Variants in COL21A1 observed in about 807,000 individuals in gnomAD.
COL21A1 encodes the protein collagen type XXI alpha 1 chain.
COL21A1 carries 149 observed loss-of-function variants against 137.9 expected under a neutral mutation model. The observed-to-expected ratio is 1.08, with a 90% confidence interval of 0.95 to 1.24. The LOEUF is 1.24. Among genes scored for constraint, COL21A1 ranks in the 50% most tolerant of loss-of-function variants. The pLI is 0.00. For missense variants in COL21A1, 1,167 were observed against 1,158.4 expected (o/e 1.01, Z -0.11); for synonymous variants, 456 against 391.5 (o/e 1.16, Z -1.95).
chr6:56,132,090 T>C (rs1266393702), intron 12 of COL21A1, among the ~76,000 whole-genome samples: 1 of 150,720 alleles, frequency 6.6e-6, no homozygotes, highest in Non-Finnish European at 1.5e-5. Context: ...AATAGCTTTT[T>C]ATATATATAA....
intron 24 of COL21A1, 34 bp downstream of exon 24, chr6:56,064,544 T>C: frequency 2.8e-6 from 4 of 1,444,316 alleles, no homozygotes; most frequent in Non-Finnish European, 3.8e-6. Context: ...TGACTTGTTA[T>C]TTCATTTTTT....
intron 1 of COL21A1, among the ~76,000 whole-genome samples, chr6:56,289,940 C>T (rs1764001556): frequency 6.6e-6 from 1 of 152,090 alleles, no homozygotes; most frequent in Non-Finnish European, 1.5e-5. Flanking sequence ...TTGTGTAGCC[C>T]ACCACCATTG....
At position 56,067,311 on chromosome 6, in the gene COL21A1, C is replaced by T. The variant is rs768677481; in HGVS notation, c.2111G>A (p.Gly704Asp). Residue 704 changes from glycine to aspartate, a missense_variant, in exon 23 of 30, where the codon GGT (glycine) becomes GAT (aspartate). Gly to Asp is a moderately conservative substitution (Grantham distance 94). Transcript: ENST00000244728. ...ACAACATACCTGAATACCTTTTTCACCTTGATTTCCTTTGTCCCCCTACAA... is the reference window on the plus strand; with the variant it reads ...ACAACATACCTGAATACCTTTTTCATCTTGATTTCCTTTGTCCCCCTACAA... ...QGKKGDKGNQGEKGIQGQKGE... is the reference protein window; with the variant it reads ...QGKKGDKGNQDEKGIQGQKGE... The T allele has an allele frequency of 4.4e-6, 7 of 1,608,606 alleles. No homozygotes were observed. Among genetic ancestry groups the T allele is most frequent in the Admixed American group, 3.4e-5 (2 of 59,618 alleles).
upstream of COL21A1, among the ~76,000 whole-genome samples, chr6:56,251,268 T>C (rs1003204381): frequency 9.2e-5 from 14 of 152,204 alleles, 1 homozygote; most frequent in Admixed American, 2.0e-4. Flanking sequence ...TACTATATTA[T>C]GGCATTTTAA....
chr6:56,340,798 G>A (rs768552037), intron 1 of COL21A1, among the ~76,000 whole-genome samples: 11 of 152,144 alleles, frequency 7.2e-5, no homozygotes, highest in Non-Finnish European at 1.5e-4. Flanking sequence ...TTTAGATTGG[G>A]TTGGATTCCA....
intron 16 of COL21A1, among the ~76,000 whole-genome samples, chr6:56,114,496 T>C (rs1771733145): frequency 6.6e-6 from 1 of 151,988 alleles, no homozygotes; most frequent in Non-Finnish European, 1.5e-5. Context: ...AACAACCCCA[T>C]CAAAAAGTGG....
At chr6:56,106,764 T>C (rs145885194) in intron 16 of COL21A1, among the ~76,000 whole-genome samples, 4,252 of 152,086 alleles carry the variant, frequency 0.028, 82 homozygotes, top group Middle Eastern at 0.044. Flanking sequence ...AACAAAATAC[T>C]GTAACCTGGA....
At chr6:56,362,181 C>A (rs376712106) in intron 1 of COL21A1, among the ~76,000 whole-genome samples, 2 of 152,028 alleles carry the variant, frequency 1.3e-5, no homozygotes, top group Non-Finnish European at 2.9e-5. Flanking sequence ...GAGATACTAG[C>A]AGTATAGCAA....
intron 1 of COL21A1, among the ~76,000 whole-genome samples, chr6:56,230,600 T>C (rs1266910866): frequency 6.6e-6 from 1 of 151,918 alleles, no homozygotes. Flanking sequence ...TATAAGGTGA[T>C]GATTTTTATC....
In COL21A1 at chr6:56,198,158, A is replaced by G. The variant is rs1182665485; in HGVS notation, c.-38-15502T>C. Among the ~76,000 whole-genome samples the G allele has an allele frequency of 5.9e-5, 9 of 152,076 alleles. No individual in the cohort carries two copies. In the South Asian group the frequency reaches 1.9e-3, roughly 31 times the overall value. ...ACTGCATGATCACATGTTGAAATCT[A>G]AAAAATAAAAGTCAAACTCAGAAAC... is the stretch of plus-strand genomic sequence containing the variant. On this transcript the variant is annotated intron_variant, in intron 1 of 29. Transcript: ENST00000244728.
At chr6:56,268,017 C>T (rs997964060) in intron 1 of COL21A1, among the ~76,000 whole-genome samples, 2 of 152,172 alleles carry the variant, frequency 1.3e-5, no homozygotes, top group African/African-American at 2.4e-5. Context: ...CCCAGCACAA[C>T]TGGAGCTAGA....
At chr6:56,312,760 C>T (rs1192232168) in intron 1 of COL21A1, among the ~76,000 whole-genome samples, 3 of 152,142 alleles carry the variant, frequency 2.0e-5, no homozygotes, top group East Asian at 1.9e-4. Flanking sequence ...AAAGAGAAAG[C>T]ATTTAGAATG....
At chr6:56,126,459 T>A (rs2152214784) in intron 12 of COL21A1, 1 of 258,372 alleles carries the variant, frequency 3.9e-6, no homozygotes, top group East Asian at 1.1e-4. Flanking sequence ...CATGAATTAA[T>A]TGAAATGATC....
intron 29 of COL21A1, 28 bp from the exon 30 acceptor site, chr6:56,057,872 A>G (rs147701595): frequency 2.1e-6 from 3 of 1,454,674 alleles, no homozygotes; most frequent in Non-Finnish European, 2.7e-6. Flanking sequence ...CAAGACGTAA[A>G]CAGAGGACTT....
At chr6:56,170,590 A>C in intron 5 of COL21A1, 59 bp downstream of exon 5, 1 of 1,169,972 alleles carries the variant, frequency 8.5e-7, no homozygotes, top group Non-Finnish European at 1.2e-6. Context: ...AACACACATA[A>C]ACCCAATAGT....
chr6:56,158,266 C>CTTTTTTTTTTTTTTTTTTTTTTTTTT, intron 9 of COL21A1, among the ~76,000 whole-genome samples: 1 of 62,408 alleles, frequency 1.6e-5, no homozygotes, highest in Non-Finnish European at 2.8e-5. Flanking sequence ...TTTTTTTTTT[C>CTTTTTTTTTTTTTTTTTTTTTTTTTT]TTTTTTTTTT....
chr6:56,082,155 C>G (rs564950783), intron 17 of COL21A1, among the ~76,000 whole-genome samples: 2 of 151,904 alleles, frequency 1.3e-5, no homozygotes, highest in South Asian at 4.1e-4. Context: ...AACCCGAAAA[C>G]TCAGACAAGG....
intron 1 of COL21A1, among the ~76,000 whole-genome samples, chr6:56,208,964 C>T (rs1313151161): frequency 6.6e-6 from 1 of 152,102 alleles, no homozygotes; most frequent in Non-Finnish European, 1.5e-5. Context: ...GGAAAACTAG[C>T]TAGCCATATG....
chr6:56,098,384 AATATATAAAT>A (rs1769857579), intron 17 of COL21A1, among the ~76,000 whole-genome samples: 2 of 24,116 alleles, frequency 8.3e-5, no homozygotes, highest in South Asian at 1.9e-3. Flanking sequence ...AATATATATA[AATATATAAAT>A]ATATATATAA....
Sources: gnomAD v4.1 joint callset for allele counts (sites outside exome capture counted in the v4.1 genomes callset) on GRCh38, gnomAD v4.1.1 for gene constraint, MANE v1.5 for transcripts, NCBI Gene and HGNC (gene_info 2026-07-23, HGNC 2026-07-21) for gene names.